The following PKD2 variants were observed in gnomAD, a reference collection of about 807,000 sequenced individuals.
The protein encoded by PKD2 is polycystin-2.
A neutral mutation model predicts 105.9 loss-of-function variants in PKD2; 48 were observed. The observed-to-expected ratio is 0.45, with a 90% CI of 0.36 to 0.58. The LOEUF is 0.58. PKD2 is among the 20% of genes least tolerant of loss of function. PKD2 has a pLI of 0.00. For synonymous variants in PKD2, 464 were observed against 481.1 expected (o/e 0.96, Z 0.46); for missense variants, 1,078 against 1,255.3 (o/e 0.86, Z 2.13).
At chr4:88,041,373 GGGTCCCTAAGACCACCCCCA>G in intron 4 of PKD2, among the ~76,000 whole-genome samples, 1 of 152,212 alleles carries the variant, frequency 6.6e-6, no homozygotes, top group Middle Eastern at 3.4e-3. Context: ...GCTGTGTCAG[GGGTCCCTAAGACCACCCCCA>G]GGTTCAGTGA....
chr4:88,058,013 T>C lies in PKD2; in HGVS notation c.1929T>C (p.Asp643=). Residue 643 remains aspartate, a synonymous_variant, in exon 9 of 15, where the codon GAT becomes GAC. Coordinates refer to ENST00000237596, the MANE Select transcript of PKD2 (RefSeq NM_000297.4). The part of the protein sequence containing the change: ...IFTQFRIILG[D]INFAEIEEAN... Reference sequence around the variant, plus strand: ...CTCAATTCCGTATCATTTTGGGCGATATCAACTTTGCAGAGATTGAGGAAG... The same window carrying C: ...CTCAATTCCGTATCATTTTGGGCGACATCAACTTTGCAGAGATTGAGGAAG... The C allele has an allele frequency of 1.3e-6, 2 of 1,594,728 alleles. No individual in the cohort carries two copies. Among genetic ancestry groups the C allele is most frequent in the Admixed American group, 1.7e-5 (1 of 60,010 alleles).
chr4:88,073,429 G>T (rs1721113645), intron 13 of PKD2, among the ~76,000 whole-genome samples: 1 of 152,006 alleles, frequency 6.6e-6, no homozygotes, highest in Admixed American at 6.6e-5. Flanking sequence ...GGGAGGCTGA[G>T]GCAGGAGAAT....
chr4:88,014,601 C>A (rs1361556935), intron 1 of PKD2, among the ~76,000 whole-genome samples: 4 of 152,142 alleles, frequency 2.6e-5, no homozygotes. Flanking sequence ...CTAAAAGTGT[C>A]CCTGCAATTC....
intron 8 of PKD2, among the ~76,000 whole-genome samples, chr4:88,056,872 A>G (rs1362565367): frequency 6.6e-6 from 1 of 152,248 alleles, no homozygotes; most frequent in Non-Finnish European, 1.5e-5. Context: ...TGATTTTGCT[A>G]AGACCCAGCA....
At position 88,076,903 on chromosome 4, in the gene PKD2, AGCT is replaced by A. The variant is rs1721255845; in HGVS notation, c.*1210_*1212del. 1 of 152,210 alleles carries A rather than the reference AGCT, an allele frequency of 6.6e-6. No individual in the cohort carries two copies. Among genetic ancestry groups the A allele is most frequent in the African/African-American group, 2.4e-5 (1 of 41,450 alleles). The allele number at this position is 152,210 out of a possible 1,614,324, so 9.4% of individuals were successfully genotyped here. A position where few individuals can be genotyped will look rare whatever the true frequency, so the allele number is the denominator to read the frequency against. ...AAACTAGAATTTGTAATGCAAATGG[AGCT>A]CAGTCTAATAAAAAAGAGGTTTTGG... On this transcript the variant is annotated 3_prime_UTR_variant, in exon 15 of 15. Transcript: ENST00000237596.
Position 88,068,061 on chromosome 4 carries a change from T to C in PKD2, c.2522T>C (p.Val841Ala), listed in dbSNP as rs542353495. ...SSGVSYEEFQ[V>A]LVRRVDRMEH... Reference sequence around the variant, plus strand: ...GGCGTTTCTTACGAAGAGTTTCAAGTGTAAGTATAAAGGAATTGGCAGAAT... The same window carrying C: ...GGCGTTTCTTACGAAGAGTTTCAAGCGTAAGTATAAAGGAATTGGCAGAAT... The change falls in exon 13 of 15, where the codon GTC becomes GCC. Residue 841 changes from valine (V) to alanine (A), a missense_variant and splice_region_variant. Physicochemically the swap from Val to Ala is moderately conservative, Grantham distance 64 (BLOSUM62 0). Around this residue, in one of 2 missense-constraint regions of PKD2, gnomAD observed 868 missense variants for 1,067.3 expected, o/e 0.81. Transcript: ENST00000237596. The C allele has an allele frequency of 2.5e-6, 4 of 1,613,662 alleles. No individual in the cohort carries two copies. In the South Asian group the frequency reaches 3.3e-5, roughly 13 times the overall value.
intron 2 of PKD2, among the ~76,000 whole-genome samples, chr4:88,032,268 A>C (rs756636101): frequency 6.6e-6 from 1 of 152,000 alleles, no homozygotes; most frequent in Non-Finnish European, 1.5e-5. Flanking sequence ...TTTGTTTTCA[A>C]TATTTGAACC....
chr4:88,041,096 A>G (rs982537001), intron 4 of PKD2, among the ~76,000 whole-genome samples: 3 of 152,158 alleles, frequency 2.0e-5, no homozygotes, highest in Non-Finnish European at 2.9e-5. Context: ...GTGATTTAAT[A>G]TGCCCCAAAC....
chr4:88,069,174 T>G (rs1000522792), intron 13 of PKD2, among the ~76,000 whole-genome samples: 2 of 152,142 alleles, frequency 1.3e-5, no homozygotes, highest in Non-Finnish European at 1.5e-5. Context: ...TTAAACTTAT[T>G]TATATCTTTC....
At chr4:88,056,493 G>T (rs1720335594) in intron 8 of PKD2, among the ~76,000 whole-genome samples, 1 of 152,180 alleles carries the variant, frequency 6.6e-6, no homozygotes, top group Non-Finnish European at 1.5e-5. Context: ...GTAAAATACA[G>T]TTAACAGACA....
rs1005107425 is a variant in PKD2, at chr4:88,065,480, G to A, written c.2225G>A (p.Arg742Gln). The A allele has an allele frequency of 3.1e-6, 5 of 1,613,578 alleles. No homozygotes were observed. The highest frequency in any genetic ancestry group is 2.2e-5 in the East Asian group (1 of 44,876). Residue 742 changes from arginine to glutamine, a missense_variant, in exon 11 of 15, where the codon CGA becomes CAA. Arg to Gln is a conservative substitution (Grantham distance 43). Transcript: ENST00000237596. ...GGGKLNFDEL[R>Q]QDLKGKGHTD... ...GGCAAGTTAAACTTTGACGAACTTC[G>A]ACAAGATCTCAAAGGGTGAGAATCA...
At chr4:88,051,261 C>T (rs1220073111) in intron 6 of PKD2, among the ~76,000 whole-genome samples, 1 of 152,230 alleles carries the variant, frequency 6.6e-6, no homozygotes, top group Non-Finnish European at 1.5e-5. Flanking sequence ...CTGTATTCAT[C>T]ATTCCCACTG....
chr4:88,056,965 T>G (rs1249246229), intron 8 of PKD2, among the ~76,000 whole-genome samples: 13 of 151,150 alleles, frequency 8.6e-5, no homozygotes, highest in Admixed American at 8.5e-4. Context: ...TTTGGGTTTT[T>G]GGGGTTTTTT....
intron 14 of PKD2, among the ~76,000 whole-genome samples, chr4:88,075,211 T>A (rs969282807): frequency 3.9e-5 from 6 of 152,238 alleles, no homozygotes; most frequent in Admixed American, 1.3e-4. Context: ...CTGAGATGTT[T>A]ATCTTTCTCC....
At chr4:88,054,532 G>T (rs6843032) in intron 7 of PKD2, among the ~76,000 whole-genome samples, 25,474 of 151,898 alleles carry the variant, frequency 0.17, 5,212 homozygotes, top group African/African-American at 0.49. Context: ...TAAACTTCTA[G>T]AGATTTTCCT....
At chr4:88,061,073 G>T (rs986088676) in intron 9 of PKD2, among the ~76,000 whole-genome samples, 1 of 152,124 alleles carries the variant, frequency 6.6e-6, no homozygotes, top group South Asian at 2.1e-4. Context: ...TAGTAGGCCT[G>T]CTGTATTCCT....
chr4:88,030,911 A>G (rs1727122710), intron 2 of PKD2, among the ~76,000 whole-genome samples: 1 of 152,196 alleles, frequency 6.6e-6, no homozygotes, highest in African/African-American at 2.4e-5. Flanking sequence ...TGTCCACTTA[A>G]TCAGTTCAAG....
At chr4:88,010,583 A>G (rs183015010) in intron 1 of PKD2, among the ~76,000 whole-genome samples, 16 of 152,340 alleles carry the variant, frequency 1.1e-4, no homozygotes, top group African/African-American at 3.8e-4. Flanking sequence ...GTAACTTGCA[A>G]TTTTTAAAGG....
intron 9 of PKD2, 128 bp downstream of exon 9, chr4:88,058,231 G>A: frequency 1.5e-6 from 1 of 675,086 alleles, no homozygotes; most frequent in South Asian, 1.8e-5. Context: ...AAGTGTGGAT[G>A]TTGGAAAACT....
Sources: allele counts gnomAD v4.1 joint callset (sites outside exome capture counted in the v4.1 genomes callset), GRCh38; gene constraint gnomAD v4.1.1; regional missense constraint gnomAD v4.1.1; transcripts MANE v1.5; gene names NCBI Gene and HGNC (gene_info 2026-07-23, HGNC 2026-07-21).